The following IFI16 variants were observed in gnomAD, a reference collection of about 807,000 sequenced individuals.
The protein encoded by IFI16 is gamma-interferon-inducible protein 16.
IFI16 carries 49 observed loss-of-function variants against 68.4 expected under a neutral mutation model. The observed-to-expected ratio is 0.72, with a 90% CI of 0.57 to 0.91. The LOEUF (loss-of-function observed/expected upper bound fraction) is 0.91, where lower values mean the gene tolerates loss of function less well. Ranked by LOEUF, IFI16 falls within the 40% of genes least tolerant of loss-of-function variation. IFI16 has a pLI of 0.00. For missense variants in IFI16, 878 were observed against 942.9 expected, an observed-to-expected ratio of 0.93 and a Z score of 0.90; for synonymous variants, 307 against 315.0, an observed-to-expected ratio of 0.97 and a Z score of 0.27.
intron 9 of IFI16, 134 bp downstream of exon 9, chr1:159,049,733 T>C (rs1655225157): frequency 1.1e-6 from 1 of 875,004 alleles, no homozygotes; most frequent in African/African-American, 1.7e-5. Flanking sequence ...CATTTATTTA[T>C]CAAGTGTGTA....
chr1:159,046,137 T>A (rs1654969289), intron 8 of IFI16, among the ~76,000 whole-genome samples: 1 of 151,340 alleles, frequency 6.6e-6, no homozygotes, highest in African/African-American at 2.4e-5. Context: ...TATAAAATGA[T>A]CCTACGTTAT....
intron 7 of IFI16, 22 bp downstream of exon 7, chr1:159,032,713 G>C (rs1654078221): frequency 6.4e-7 from 1 of 1,551,396 alleles, no homozygotes. Context: ...TGGGTCCCAT[G>C]CCTCATGTCT....
In IFI16 at chr1:159,018,307, C is replaced by T. The variant is rs1231168061; in HGVS notation, c.628C>T (p.Leu210=). The T allele has an allele frequency of 1.2e-6, 2 of 1,613,990 alleles. No individual in the cohort carries two copies. The highest frequency in any genetic ancestry group is 1.1e-5 in the South Asian group (1 of 91,084). ...AAAACGCCCAGTGATAGTGAAGGTA[C>T]TGAGTACAACAAAGCCATTTGAATA... The part of the protein sequence containing the change: ...LQKRPVIVKV[L]STTKPFEYET... Residue 210 remains leucine (L), a synonymous_variant, in exon 5 of 12, where the codon CTG becomes TTG. Transcript: ENST00000295809.
chr1:159,039,264 A>G (rs1047065849), intron 7 of IFI16, among the ~76,000 whole-genome samples: 2 of 152,200 alleles, frequency 1.3e-5, no homozygotes, highest in African/African-American at 4.8e-5. Context: ...CATAGAAAAT[A>G]CCAGAGAGAT....
Position 159,045,332 on chromosome 1 carries a change from C to T in IFI16, c.1365C>T (p.Phe455=). ...SEDTISKMND[F]MRMQILKEGS... ...ACACAATCTCCAAAATGAATGACTT[C>T]ATGAGGATGCAGATACTGAAGGAAG... is the stretch of plus-strand genomic sequence containing the variant. Residue 455 remains phenylalanine, a synonymous_variant, in exon 8 of 12, where the codon TTC becomes TTT. Transcript: ENST00000295809. 1 of 1,491,174 alleles carries T rather than the reference C, an allele frequency of 6.7e-7. No homozygotes were observed. Among genetic ancestry groups the T allele is most frequent in the Admixed American group, 1.8e-5 (1 of 55,574 alleles). 92.4% of individuals were successfully genotyped at this position (1,491,174 alleles called of 1,614,324 possible).
upstream of IFI16, among the ~76,000 whole-genome samples, chr1:159,004,268 GT>G (rs1180610028): frequency 2.6e-5 from 4 of 151,850 alleles, no homozygotes; most frequent in Admixed American, 6.6e-5. Context: ...GAGCTCTGGA[GT>G]TTGAGATCAG....
intron 9 of IFI16, among the ~76,000 whole-genome samples, chr1:159,050,578 C>T (rs967552558): frequency 2.0e-5 from 3 of 152,140 alleles, no homozygotes; most frequent in African/African-American, 7.2e-5. Flanking sequence ...CAGGTCAGAT[C>T]ACATTGCTGG....
intron 6 of IFI16, among the ~76,000 whole-genome samples, chr1:159,026,619 A>G (rs1653688761): frequency 6.6e-6 from 1 of 151,938 alleles, no homozygotes; most frequent in Admixed American, 6.6e-5. Context: ...TTTTCACGAT[A>G]TTGATTCTAC....
chr1:159,046,286 C>T (rs1464670113), intron 8 of IFI16, among the ~76,000 whole-genome samples: 2 of 151,108 alleles, frequency 1.3e-5, no homozygotes, highest in Non-Finnish European at 1.5e-5. Context: ...TGTCAGGGTA[C>T]TAATGTCATG....
Position 159,018,297 on chromosome 1 carries a change from A to T in IFI16, c.618A>T (p.Ile206=). The change falls in exon 5 of 12, where the codon ATA becomes ATT. Residue 206 remains isoleucine, a synonymous_variant. Transcript: ENST00000295809. Reference sequence around the variant, plus strand: ...ATGTTCTCCAAAAACGCCCAGTGATAGTGAAGGTACTGAGTACAACAAAGC... The same window carrying T: ...ATGTTCTCCAAAAACGCCCAGTGATTGTGAAGGTACTGAGTACAACAAAGC... ...RRNVLQKRPV[I]VKVLSTTKPF... 2 of 1,614,158 alleles carry T rather than the reference A, an allele frequency of 1.2e-6. No individual in the cohort carries two copies. The highest frequency in any genetic ancestry group is 1.7e-6 in the Non-Finnish European group (2 of 1,179,952).
intron 1 of IFI16, 129 bp from the exon 2 acceptor site, chr1:159,014,532 G>A (rs12738378): frequency 0.082 from 45,212 of 551,028 alleles, 2,147 homozygotes; most frequent in Middle Eastern, 0.11. Context: ...ACATTTGGTC[G>A]TTGAGTCCTT....
chr1:159,016,484 C>CT, intron 3 of IFI16, 49 bp from the exon 4 acceptor site: 1 of 1,509,190 alleles, frequency 6.6e-7, no homozygotes, highest in African/African-American at 1.4e-5. Flanking sequence ...ATGTGCTCTA[C>CT]TTCATTTGGC....
At chr1:159,021,041 G>C (rs985726049) in intron 6 of IFI16, among the ~76,000 whole-genome samples, 2 of 152,120 alleles carry the variant, frequency 1.3e-5, no homozygotes, top group African/African-American at 4.8e-5. Flanking sequence ...ATATTCACGT[G>C]TTAAGTTTCC....
upstream of IFI16, chr1:159,006,144 G>C (rs1434483824): frequency 6.6e-6 from 1 of 152,230 alleles, no homozygotes; most frequent in Non-Finnish European, 1.5e-5. Context: ...GTACCCAAGC[G>C]AGTTAAGAAA....
At chr1:159,054,720 A>C in intron 11 of IFI16, 101 bp from the exon 12 acceptor site, 65 of 602,016 alleles carry the variant, frequency 1.1e-4, no homozygotes, top group Middle Eastern at 2.7e-4. Context: ...GAATAGGGGA[A>C]GAGATATGGT....
chr1:159,039,199 G>T (rs1225376906), intron 7 of IFI16, among the ~76,000 whole-genome samples: 3 of 152,094 alleles, frequency 2.0e-5, no homozygotes, highest in Non-Finnish European at 4.4e-5. Context: ...CTATAATACT[G>T]GTTTGTGAGT....
At chr1:159,018,738 A>T in intron 5 of IFI16, 87 bp downstream of exon 5, 1 of 935,000 alleles carries the variant, frequency 1.1e-6, no homozygotes, top group Non-Finnish European at 1.7e-6. Flanking sequence ...TTTGCCTATA[A>T]ACTGGATATT....
intron 10 of IFI16, 96 bp downstream of exon 10, chr1:159,052,194 C>A: frequency 1.1e-6 from 1 of 948,946 alleles, no homozygotes; most frequent in Non-Finnish European, 1.6e-6. Context: ...TTACTCAACA[C>A]AGAAAATCAA....
chr1:159,033,773 G>A (rs1480252955), intron 7 of IFI16, among the ~76,000 whole-genome samples: 1 of 152,118 alleles, frequency 6.6e-6, no homozygotes, highest in East Asian at 1.9e-4. Context: ...CATAGCCCAC[G>A]CTTTGCAAAC....
Sources: allele counts gnomAD v4.1 joint callset (sites outside exome capture counted in the v4.1 genomes callset), GRCh38; gene constraint gnomAD v4.1.1; transcripts MANE v1.5; gene names NCBI Gene and HGNC (gene_info 2026-07-23, HGNC 2026-07-21).